MYLK: variants seen among roughly 807,000 people sequenced by gnomAD.
MYLK encodes myosin light chain kinase, smooth muscle.
Under a neutral mutation model 203.4 loss-of-function variants are expected in MYLK, and 106 were observed. The observed-to-expected ratio is 0.52, with a 90% CI of 0.45 to 0.61. The LOEUF (loss-of-function observed/expected upper bound fraction) is 0.61, where lower values mean the gene tolerates loss of function less well. MYLK is among the 20% of genes least tolerant of loss of function. The pLI is 0.00. For missense variants in MYLK, 2,072 were observed against 2,442.3 expected (o/e 0.85, Z 3.20); for synonymous variants, 867 against 959.5 (o/e 0.90, Z 1.78).
rs200578374 is a variant in MYLK, at chr3:123,793,661, C to T, written c.165+16G>A. On this transcript the variant is annotated intron_variant, in intron 4 of 33. Transcript: ENST00000360304. The stretch of plus-strand genomic sequence containing the variant: ...CATCCTTCCCCACAGCCTCCCCATC[C>T]AGCCACACTTCTTACCCGCCCTTCG... 2 of 1,613,988 alleles carry T rather than the reference C, an allele frequency of 1.2e-6. No homozygotes were observed. Among genetic ancestry groups the T allele is most frequent in the Non-Finnish European group, 1.7e-6 (2 of 1,179,898 alleles).
intron 20 of MYLK, among the ~76,000 whole-genome samples, chr3:123,674,999 C>G (rs958737070): frequency 6.6e-6 from 1 of 152,204 alleles, no homozygotes; most frequent in Non-Finnish European, 1.5e-5. Context: ...TGGCACATGC[C>G]TGATAAATGG....
At position 123,657,382 on chromosome 3, in the gene MYLK, C is replaced by G; in HGVS notation, c.4032G>C (p.Arg1344=). ...ACCAGGACAGGGTCAGTGAGGAGCTCCGAATGTCAGAGGCACAAGGTGTGC... is the reference window on the plus strand; with the variant it reads ...ACCAGGACAGGGTCAGTGAGGAGCTGCGAATGTCAGAGGCACAAGGTGTGC... ...PAGTPCASDI[R]SSSLTLSWYG... is the part of the protein sequence containing the mutation. The change falls in exon 24 of 34, where the codon CGG becomes CGC. Residue 1344 remains arginine, a synonymous_variant. Transcript: ENST00000360304. The G allele has an allele frequency of 1.9e-6, 3 of 1,613,936 alleles. No homozygotes were observed. Among genetic ancestry groups the G allele is most frequent in the Non-Finnish European group, 2.5e-6 (3 of 1,180,018 alleles).
At chr3:123,840,384 A>G (rs374709866) in intron 2 of MYLK, among the ~76,000 whole-genome samples, 2 of 80,352 alleles carry the variant, frequency 2.5e-5, no homozygotes, top group Non-Finnish European at 5.1e-5. Flanking sequence ...ATATATATAT[A>G]TATATATATG....
chr3:123,613,997 T>C lies in MYLK; in HGVS notation c.*108A>G. 1 of 1,372,506 alleles carries C rather than the reference T, an allele frequency of 7.3e-7. No individual in the cohort carries two copies. The highest frequency in any genetic ancestry group is 1.0e-6 in the Non-Finnish European group (1 of 986,028). The allele number at this position is 1,372,506 out of a possible 1,614,324, so 85.0% of individuals were successfully genotyped here. A position where few individuals can be genotyped will look rare whatever the true frequency, so the allele number is the denominator to read the frequency against. ...AACCCACAAATGACCTAACCGATAA[T>C]CTATCACACTAGGTGCTTTTACTAT... On this transcript the variant is annotated 3_prime_UTR_variant, in exon 34 of 34. Coordinates refer to ENST00000360304, the MANE Select transcript of MYLK (RefSeq NM_053025.4).
chr3:123,791,052 C>T (rs770553110), intron 4 of MYLK, among the ~76,000 whole-genome samples: 11 of 152,168 alleles, frequency 7.2e-5, no homozygotes, highest in Non-Finnish European at 1.5e-4. Flanking sequence ...TGAGGCCATC[C>T]TGAGAGTGAT....
At position 123,739,169 on chromosome 3, in the gene MYLK, T is replaced by C. The variant is rs1169889510; in HGVS notation, c.423-107A>G. 9 of 1,298,112 alleles carry C rather than the reference T, an allele frequency of 6.9e-6. No homozygotes were observed. The African/African-American group carries it at 1.2e-4, about 17-fold the overall frequency. The allele number at this position is 1,298,112 out of a possible 1,614,324, so 80.4% of individuals were successfully genotyped here. ...AAGTTAAGGTCAGAAGCCATCAAAG[T>C]GTAGCCTTCCCAATTTTATGCCTCA... is the stretch of plus-strand genomic sequence containing the variant. On this transcript the variant is annotated intron_variant, in intron 6 of 33. Transcript: ENST00000360304.
At position 123,613,440 on chromosome 3, in the gene MYLK, A is replaced by G. The variant is rs564509896; in HGVS notation, c.*665T>C. ...TTCCTACTGATTTTGGAAGAAAAATATTTTCCTAAGGAAGCCAGAGTCATC... is the reference window on the plus strand; with the variant it reads ...TTCCTACTGATTTTGGAAGAAAAATGTTTTCCTAAGGAAGCCAGAGTCATC... On this transcript the variant is annotated 3_prime_UTR_variant, in exon 34 of 34. Coordinates refer to ENST00000360304, the MANE Select transcript of MYLK (RefSeq NM_053025.4). The G allele has an allele frequency of 1.3e-5, 2 of 152,626 alleles. No homozygotes were observed. The highest frequency in any genetic ancestry group is 2.9e-5 in the Non-Finnish European group (2 of 68,116). 9.5% of individuals were successfully genotyped at this position (152,626 alleles called of 1,614,324 possible).
chr3:123,618,798 AT>A (rs759773865), intron 32 of MYLK, 28 bp from the exon 33 acceptor site: 1 of 1,613,704 alleles, frequency 6.2e-7, no homozygotes, highest in Admixed American at 1.7e-5. Flanking sequence ...AGACCAGGTC[AT>A]TTCTTCACTC....
At chr3:123,698,259 C>G (rs1362604691) in intron 18 of MYLK, among the ~76,000 whole-genome samples, 1 of 152,166 alleles carries the variant, frequency 6.6e-6, no homozygotes, top group East Asian at 1.9e-4. Context: ...AACCTGAAAT[C>G]CACTAGCAAA....
chr3:123,704,129 T>C (rs1282305256), intron 16 of MYLK, among the ~76,000 whole-genome samples: 1 of 152,196 alleles, frequency 6.6e-6, no homozygotes, highest in Non-Finnish European at 1.5e-5. Flanking sequence ...CCCCCAGCAG[T>C]CTAAGGGGTC....
chr3:123,753,518 C>T (rs914076037), intron 4 of MYLK, among the ~76,000 whole-genome samples: 6 of 149,748 alleles, frequency 4.0e-5, no homozygotes, highest in Non-Finnish European at 5.9e-5. Context: ...CTCTGTTGCC[C>T]AGGCTGGAGT....
intron 4 of MYLK, among the ~76,000 whole-genome samples, chr3:123,787,464 C>T (rs2064578232): frequency 6.6e-6 from 1 of 152,140 alleles, no homozygotes; most frequent in African/African-American, 2.4e-5. Context: ...GTCTTAGACA[C>T]TTCACCACCG....
chr3:123,732,974 T>C lies in MYLK; in HGVS notation c.1438A>G (p.Arg480Gly), dbSNP rs768369156. Reference protein sequence around the residue: ...HYLCLLKARTRDSGTYSCTAS... With the variant: ...HYLCLLKARTGDSGTYSCTAS... ...GTGCAGCTGTATGTCCCACTGTCCC[T>C]GGTCCGGGCTTTCAGCAGGCAGAGG... Residue 480 changes from arginine to glycine, a missense_variant, in exon 11 of 34, where the codon AGG becomes GGG. Around this residue, in one of 3 missense-constraint regions of MYLK, gnomAD observed 683 missense variants for 643.8 expected, o/e 1.06. Transcript: ENST00000360304. The C allele has an allele frequency of 1.4e-5, 23 of 1,614,220 alleles. No individual in the cohort carries two copies. Among genetic ancestry groups the C allele is most frequent in the East Asian group, 4.5e-5 (2 of 44,884 alleles).
At position 123,798,538 on chromosome 3, in the gene MYLK, T is replaced by C. The variant is rs370424835; in HGVS notation, c.-3-4694A>G. Among the ~76,000 whole-genome samples, 19 of 152,010 alleles carry C rather than the reference T, an allele frequency of 1.2e-4. No homozygotes were observed. In the East Asian group the frequency reaches 2.3e-3, roughly 19 times the overall value. The stretch of plus-strand genomic sequence containing the variant: ...CTGTGCAAGTCCTCTTGATCTAAAA[T>C]CAGAGGCCCATGGAAATCTCCTGAA... On this transcript the variant is annotated intron_variant, in intron 3 of 33. Transcript: ENST00000360304.
intron 4 of MYLK, among the ~76,000 whole-genome samples, chr3:123,761,589 GTC>G (rs1349570876): frequency 1.3e-5 from 2 of 152,170 alleles, no homozygotes; most frequent in African/African-American, 4.8e-5. Flanking sequence ...ATGCTTGAAT[GTC>G]TGCCCCATGT....
At chr3:123,829,437 T>A (rs1426175875) in intron 3 of MYLK, among the ~76,000 whole-genome samples, 5 of 151,918 alleles carry the variant, frequency 3.3e-5, no homozygotes, top group Admixed American at 2.6e-4. Flanking sequence ...TACTAGAGGC[T>A]GGGAAGGGTA....
intron 18 of MYLK, among the ~76,000 whole-genome samples, chr3:123,698,465 A>C (rs555171973): frequency 1.3e-5 from 2 of 152,068 alleles, no homozygotes; most frequent in African/African-American, 4.8e-5. Context: ...AGGGTTTCCA[A>C]TCAGTTTTAC....
At chr3:123,814,802 T>C (rs186581240) in intron 3 of MYLK, among the ~76,000 whole-genome samples, 1 of 152,136 alleles carries the variant, frequency 6.6e-6, no homozygotes, top group African/African-American at 2.4e-5. Flanking sequence ...CTTTCTTTCT[T>C]TCTTTTTTTA....
chr3:123,635,307 G>A (rs1417924613), intron 29 of MYLK, among the ~76,000 whole-genome samples: 2 of 152,250 alleles, frequency 1.3e-5, no homozygotes, highest in East Asian at 1.9e-4. Flanking sequence ...CATAGCAGGC[G>A]CTTAAAGGAA....
Sources: allele counts gnomAD v4.1 joint callset (sites outside exome capture counted in the v4.1 genomes callset), GRCh38; gene constraint gnomAD v4.1.1; regional missense constraint gnomAD v4.1.1; transcripts MANE v1.5; gene names NCBI Gene and HGNC (gene_info 2026-07-23, HGNC 2026-07-21).